BRINP1: variants seen among roughly 807,000 people sequenced by gnomAD.
The protein encoded by BRINP1 is BMP/retinoic acid-inducible neural-specific protein 1.
BRINP1 carries 17 observed loss-of-function variants against 72.9 expected under a neutral mutation model. That is an observed-to-expected ratio of 0.23 (90% CI 0.16 to 0.35). The LOEUF (loss-of-function observed/expected upper bound fraction) is 0.35. BRINP1 is among the 10% of genes least tolerant of loss of function. The probability of loss-of-function intolerance (pLI) is 1.00; values close to 1 mark genes in which losing one functional copy is unlikely to be tolerated. For missense variants in BRINP1, 850 were observed against 1,001.6 expected (o/e 0.85, Z 2.04); for synonymous variants, 418 against 378.5 (o/e 1.10, Z -1.21).
chr9:119,333,192 G>A (rs1380134703), intron 1 of BRINP1, among the ~76,000 whole-genome samples: 1 of 151,836 alleles, frequency 6.6e-6, no homozygotes, highest in Non-Finnish European at 1.5e-5. Flanking sequence ...AGGCTGTGGT[G>A]GCTCATGCCT....
At chr9:119,342,255 T>C (rs1041093210) in intron 1 of BRINP1, among the ~76,000 whole-genome samples, 1 of 152,188 alleles carries the variant, frequency 6.6e-6, no homozygotes, top group African/African-American at 2.4e-5. Context: ...TGTAATGATA[T>C]GAAATTTCCT....
At chr9:119,248,844 G>T in intron 3 of BRINP1, 116 bp downstream of exon 3, 2 of 899,134 alleles carry the variant, frequency 2.2e-6, no homozygotes, top group Non-Finnish European at 3.3e-6. Flanking sequence ...ATGCTTTTGT[G>T]TGATGTAGAA....
At chr9:119,282,315 T>C (rs973934925) in intron 2 of BRINP1, among the ~76,000 whole-genome samples, 1 of 152,222 alleles carries the variant, frequency 6.6e-6, no homozygotes, top group Non-Finnish European at 1.5e-5. Flanking sequence ...AGAGCTGGGA[T>C]ACTTGGGTTG....
intron 2 of BRINP1, among the ~76,000 whole-genome samples, chr9:119,287,827 T>G (rs544737691): frequency 6.6e-6 from 1 of 152,298 alleles, no homozygotes; most frequent in African/African-American, 2.4e-5. Context: ...AATATCCTTT[T>G]CTGAAAAATT....
At chr9:119,362,500 C>T (rs886328623) in intron 1 of BRINP1, among the ~76,000 whole-genome samples, 2 of 152,116 alleles carry the variant, frequency 1.3e-5, no homozygotes, top group South Asian at 2.1e-4. Flanking sequence ...ATTTGCAGAT[C>T]GGTACTATTA....
At chr9:119,213,688 A>T (rs1301814546) in intron 6 of BRINP1, 2 of 606,712 alleles carry the variant, frequency 3.3e-6, no homozygotes, top group East Asian at 5.4e-5. Context: ...GACAGAAACA[A>T]TACATCATAT....
At chr9:119,276,835 G>C (rs915242042) in intron 2 of BRINP1, among the ~76,000 whole-genome samples, 1 of 151,948 alleles carries the variant, frequency 6.6e-6, no homozygotes, top group Non-Finnish European at 1.5e-5. Context: ...TTTACTTCTA[G>C]CATTATTATT....
intron 2 of BRINP1, among the ~76,000 whole-genome samples, chr9:119,294,317 G>C (rs1830852092): frequency 6.6e-6 from 1 of 152,132 alleles, no homozygotes. Context: ...AATCATCTGA[G>C]GTCAGGGGTT....
intron 2 of BRINP1, among the ~76,000 whole-genome samples, chr9:119,262,645 CAAAAAAAA>C (rs55738449): frequency 1.6e-5 from 1 of 62,976 alleles, no homozygotes; most frequent in South Asian, 7.5e-4. Flanking sequence ...GACTCCAACT[CAAAAAAAA>C]AAAAAAAAAA....
intron 5 of BRINP1, among the ~76,000 whole-genome samples, chr9:119,230,638 A>T: frequency 6.6e-6 from 1 of 151,996 alleles, no homozygotes; most frequent in East Asian, 1.9e-4. Context: ...GAAATCTTCT[A>T]GTCTAGAAGG....
chr9:119,342,207 G>C lies in BRINP1; in HGVS notation c.-51+26849C>G, dbSNP rs138005253. On this transcript the variant is annotated intron_variant, in intron 1 of 7. Transcript: ENST00000265922. ...GGTTTTCACTATATTTACTCATACAGTTACCCTCTATGTAGTGTAAATAAT... is the reference window on the plus strand; with the variant it reads ...GGTTTTCACTATATTTACTCATACACTTACCCTCTATGTAGTGTAAATAAT... Among the ~76,000 whole-genome samples, 52 of 152,232 alleles carry C rather than the reference G, an allele frequency of 3.4e-4. 1 individual carries two copies. The East Asian group carries it at 8.5e-3, about 25-fold the overall frequency.
chr9:119,225,560 G>C (rs549563276), intron 5 of BRINP1, among the ~76,000 whole-genome samples: 79 of 151,940 alleles, frequency 5.2e-4, no homozygotes, highest in African/African-American at 1.7e-3. Flanking sequence ...TTTTATTGTT[G>C]TATTATTATT....
chr9:119,197,407 G>A (rs1829749857), intron 7 of BRINP1, among the ~76,000 whole-genome samples: 1 of 152,130 alleles, frequency 6.6e-6, no homozygotes, highest in Admixed American at 6.6e-5. Flanking sequence ...TTGTCATAAG[G>A]ATTACACACA....
chr9:119,169,987 C>CCAT (rs1160921940), intron 7 of BRINP1, among the ~76,000 whole-genome samples: 2 of 152,134 alleles, frequency 1.3e-5, no homozygotes, highest in Non-Finnish European at 2.9e-5. Flanking sequence ...CTGTACATCA[C>CCAT]CATCATCAAA....
At chr9:119,344,998 T>C (rs575434452) in intron 1 of BRINP1, among the ~76,000 whole-genome samples, 15 of 152,334 alleles carry the variant, frequency 9.8e-5, no homozygotes, top group Admixed American at 7.8e-4. Flanking sequence ...GTTGACAAAC[T>C]TCTGAAAATC....
chr9:119,283,557 C>G (rs1056311910), intron 2 of BRINP1, among the ~76,000 whole-genome samples: 1 of 152,198 alleles, frequency 6.6e-6, no homozygotes, highest in Non-Finnish European at 1.5e-5. Flanking sequence ...TTGACAGAGT[C>G]TCGCTCTGTT....
chr9:119,188,317 T>C (rs1829646187), intron 7 of BRINP1, among the ~76,000 whole-genome samples: 1 of 151,842 alleles, frequency 6.6e-6, no homozygotes, highest in South Asian at 2.1e-4. Context: ...GGCCAGGAAA[T>C]AATAGGATGA....
chr9:119,298,303 T>C (rs1310562593), intron 2 of BRINP1, among the ~76,000 whole-genome samples: 1 of 152,214 alleles, frequency 6.6e-6, no homozygotes, highest in African/African-American at 2.4e-5. Flanking sequence ...TTACTTTCAG[T>C]TCCTCTTTTG....
At chr9:119,276,396 AC>A (rs2118956987) in intron 2 of BRINP1, among the ~76,000 whole-genome samples, 1 of 152,282 alleles carries the variant, frequency 6.6e-6, no homozygotes, top group Non-Finnish European at 1.5e-5. Context: ...GAAAATATAA[AC>A]TATTTTTGTG....
Sources: allele counts gnomAD v4.1 joint callset (sites outside exome capture counted in the v4.1 genomes callset), GRCh38; gene constraint gnomAD v4.1.1; transcripts MANE v1.5; gene names NCBI Gene and HGNC (gene_info 2026-07-23, HGNC 2026-07-21).